LARGE1: variants seen among roughly 807,000 people sequenced by gnomAD.
LARGE1 encodes LARGE xylosyl- and glucuronyltransferase 1.
A neutral mutation model predicts 87.6 loss-of-function variants in LARGE1; 43 were observed. That is an observed-to-expected ratio of 0.49 (90% CI 0.38 to 0.63). The LOEUF (loss-of-function observed/expected upper bound fraction) is 0.63, where lower values mean the gene tolerates loss of function less well. Among genes scored for constraint, LARGE1 ranks in the 30% least tolerant of loss-of-function variants. The probability of loss-of-function intolerance (pLI) is 0.00; values close to 1 mark genes in which losing one functional copy is unlikely to be tolerated. For missense variants in LARGE1, 802 were observed against 1,000.2 expected (o/e 0.80, Z 2.67); for synonymous variants, 434 against 394.6 (o/e 1.10, Z -1.18).
At chr22:33,380,185 G>A (rs2065113723) in intron 9 of LARGE1, among the ~76,000 whole-genome samples, 1 of 152,052 alleles carries the variant, frequency 6.6e-6, no homozygotes, top group Non-Finnish European at 1.5e-5. Flanking sequence ...TACACAGTTG[G>A]TTTTATTTCG....
chr22:33,225,562 T>G (rs941534051), intron 11 of LARGE1, among the ~76,000 whole-genome samples: 4 of 152,198 alleles, frequency 2.6e-5, no homozygotes, highest in African/African-American at 9.7e-5. Flanking sequence ...TTTATTTTCT[T>G]TCTTTTTTTA....
At chr22:33,724,265 A>C (rs2083199765) in intron 2 of LARGE1, 1 of 152,420 alleles carries the variant, frequency 6.6e-6, no homozygotes, top group African/African-American at 2.4e-5. Context: ...AAAGGAATGC[A>C]TTTTTGCTGT....
chr22:33,322,093 A>G (rs1234334969), intron 10 of LARGE1, among the ~76,000 whole-genome samples: 1 of 152,204 alleles, frequency 6.6e-6, no homozygotes, highest in East Asian at 1.9e-4. Flanking sequence ...TGCTGAGATT[A>G]CGGGCATGAG....
chr22:33,921,194 C>A (rs746869387), upstream of LARGE1, among the ~76,000 whole-genome samples: 34 of 152,012 alleles, frequency 2.2e-4, no homozygotes, highest in Non-Finnish European at 4.3e-4. The surrounding 1 kb of genome is among the most constrained non-coding windows in gnomAD (Gnocchi z 4.1). Context: ...CGCCCCCCGG[C>A]GAGACTCCGC....
At chr22:33,678,692 C>T (rs1411910051) in intron 2 of LARGE1, among the ~76,000 whole-genome samples, 1 of 152,180 alleles carries the variant, frequency 6.6e-6, no homozygotes, top group African/African-American at 2.4e-5. Context: ...TAATGACATT[C>T]AGAGATCCGA....
chr22:33,333,305 A>G (rs1022312409), intron 10 of LARGE1, among the ~76,000 whole-genome samples: 31 of 151,792 alleles, frequency 2.0e-4, no homozygotes, highest in African/African-American at 6.8e-4. Context: ...GGCGTGAGCC[A>G]CTGTGCTGGG....
At chr22:33,505,817 C>T (rs2070737731) in intron 6 of LARGE1, among the ~76,000 whole-genome samples, 1 of 152,272 alleles carries the variant, frequency 6.6e-6, no homozygotes, top group African/African-American at 2.4e-5. Context: ...CTGTCACTTG[C>T]AATCAGTTTC....
intron 7 of LARGE1, among the ~76,000 whole-genome samples, chr22:33,403,483 T>C (rs1387280561): frequency 6.6e-6 from 1 of 152,204 alleles, no homozygotes; most frequent in African/African-American, 2.4e-5. Context: ...GTTCCACGGA[T>C]GGCTTTGTAT....
intron 11 of LARGE1, among the ~76,000 whole-genome samples, chr22:33,182,120 C>T (rs569346817): frequency 1.4e-4 from 22 of 152,280 alleles, no homozygotes; most frequent in African/African-American, 5.1e-4. Flanking sequence ...CCGCACCCAA[C>T]AGGGTATATT....
chr22:33,487,587 G>A (rs370011715), intron 6 of LARGE1, among the ~76,000 whole-genome samples: 11 of 152,284 alleles, frequency 7.2e-5, no homozygotes, highest in South Asian at 2.1e-4. Flanking sequence ...CCATCTCGCA[G>A]GGTCAGTAGA....
intron 6 of LARGE1, among the ~76,000 whole-genome samples, chr22:33,528,139 C>T (rs1316604689): frequency 9.9e-4 from 15 of 15,216 alleles, no homozygotes; most frequent in Non-Finnish European, 1.7e-3. Flanking sequence ...TCGGGGGGGG[C>T]GGGGCGGGGT....
At chr22:33,081,453 G>A in the LARGE1 span, among the ~76,000 whole-genome samples, 2 of 152,188 alleles carry the variant, frequency 1.3e-5, no homozygotes, top group African/African-American at 4.8e-5. Context: ...AGGCAGGAAT[G>A]AGCATGGCAT....
At chr22:33,771,428 A>C (rs900372316) in intron 1 of LARGE1, among the ~76,000 whole-genome samples, 2 of 152,146 alleles carry the variant, frequency 1.3e-5, no homozygotes, top group Non-Finnish European at 2.9e-5. Flanking sequence ...CTGATTTCAA[A>C]TGGGCACTCA....
intron 1 of LARGE1, among the ~76,000 whole-genome samples, chr22:33,822,576 TA>T (rs1256017357): frequency 2.0e-5 from 3 of 152,016 alleles, no homozygotes; most frequent in Non-Finnish European, 2.9e-5. Flanking sequence ...CAGACGTCTG[TA>T]ATCCCAGCTA....
At chr22:33,334,288 C>G (rs1458446571) in intron 10 of LARGE1, among the ~76,000 whole-genome samples, 3 of 151,512 alleles carry the variant, frequency 2.0e-5, no homozygotes, top group Admixed American at 6.6e-5. Context: ...GTGGTGTGCA[C>G]CTGTAGCCCT....
chr22:33,108,847 C>T, the LARGE1 span, among the ~76,000 whole-genome samples: 1 of 152,038 alleles, frequency 6.6e-6, no homozygotes, highest in Non-Finnish European at 1.5e-5. Context: ...TACTGAGAGG[C>T]AGTAGAATTT....
intron 1 of LARGE1, among the ~76,000 whole-genome samples, chr22:33,852,239 T>C (rs2063607019): frequency 6.6e-6 from 1 of 152,108 alleles, no homozygotes; most frequent in Admixed American, 6.5e-5. Context: ...GAGCCAACGT[T>C]GAAAGGTCAG....
At position 33,466,678 on chromosome 22, in the gene LARGE1, C is replaced by G. The variant is rs182064297; in HGVS notation, c.788-34413G>C. Among the ~76,000 whole-genome samples the G allele has an allele frequency of 7.3e-3, 1,064 of 145,290 alleles. 10 individuals are homozygous for G. The highest frequency in any genetic ancestry group is 0.012 in the Non-Finnish European group (779 of 66,284). On this transcript the variant is annotated intron_variant, in intron 6 of 14. Coordinates refer to ENST00000397394, the MANE Select transcript of LARGE1 (RefSeq NM_133642.5). Reference sequence around the variant, plus strand: ...AGATAATGAGCCCTGGCCTCATTCACCCCCTCTCTCTCTCTACACACACAC... The same window carrying G: ...AGATAATGAGCCCTGGCCTCATTCAGCCCCTCTCTCTCTCTACACACACAC...
intron 2 of LARGE1, among the ~76,000 whole-genome samples, chr22:33,760,706 G>C (rs1296970306): frequency 6.6e-6 from 1 of 152,180 alleles, no homozygotes; most frequent in Non-Finnish European, 1.5e-5. Context: ...CAGATCACAA[G>C]GTCAAGAGAT....
Sources: allele counts gnomAD v4.1 joint callset (sites outside exome capture counted in the v4.1 genomes callset), GRCh38; gene constraint gnomAD v4.1.1; non-coding constraint Gnocchi (gnomAD v3.1); transcripts MANE v1.5; gene names NCBI Gene and HGNC (gene_info 2026-07-23, HGNC 2026-07-21).